SNX13: variants seen among roughly 807,000 people sequenced by gnomAD.
The protein encoded by SNX13 is sorting nexin 13.
A neutral mutation model predicts 133.6 loss-of-function variants in SNX13; 45 were observed. The observed-to-expected ratio is 0.34, with a 90% confidence interval of 0.27 to 0.43. The LOEUF (loss-of-function observed/expected upper bound fraction) is 0.43. Among genes scored for constraint, SNX13 ranks in the 20% least tolerant of loss-of-function variants. The probability of loss-of-function intolerance (pLI) is 1.00; values close to 1 mark genes in which losing one functional copy is unlikely to be tolerated. For missense variants in SNX13, 1,032 were observed against 1,145.1 expected (o/e 0.90, Z 1.43); for synonymous variants, 414 against 373.9 (o/e 1.11, Z -1.24).
At chr7:17,850,180 T>C (rs191235329) in intron 11 of SNX13, among the ~76,000 whole-genome samples, 167 bp downstream of exon 11, 231 of 152,336 alleles carry the variant, frequency 1.5e-3, no homozygotes, top group Non-Finnish European at 2.8e-3. Flanking sequence ...TTTTGGCATG[T>C]TTTAACAAAT....
In SNX13 at chr7:17,826,061, C is replaced by G; in HGVS notation, c.1666G>C (p.Asp556His). ...TAGGCATGAAGTTGTACTGAGTCAT[C>G]AGAAGAAACATTTGAAAGGTCATCT... ...SLDDLSNVSS[D>H]DSVQLHAYIS... The change falls in exon 17 of 26, where the codon GAT becomes CAT. Residue 556 changes from aspartate (D) to histidine (H), a missense_variant. Transcript: ENST00000428135. The G allele has an allele frequency of 6.4e-7, 1 of 1,552,030 alleles. No homozygotes were observed. Among genetic ancestry groups the G allele is most frequent in the Non-Finnish European group, 8.7e-7 (1 of 1,146,458 alleles).
At chr7:17,888,091 A>G (rs936944013) in intron 5 of SNX13, 4 of 152,198 alleles carry the variant, frequency 2.6e-5, no homozygotes, top group African/African-American at 7.2e-5. Flanking sequence ...ATATTTGTGT[A>G]GTAATAGAAA....
chr7:17,843,565 T>A (rs1259387356), intron 12 of SNX13, among the ~76,000 whole-genome samples: 1 of 151,906 alleles, frequency 6.6e-6, no homozygotes, highest in Admixed American at 6.6e-5. Context: ...TAACACAATA[T>A]ACCAGGTAGA....
chr7:17,816,116 A>C lies in SNX13; in HGVS notation c.1953+66T>G. The stretch of plus-strand genomic sequence containing the variant: ...ACATTCTGTGTGCTATATTAAATGA[A>C]AAACATTCTACACCTGTGTGCTATA... On this transcript the variant is annotated intron_variant, in intron 19 of 25. Transcript: ENST00000428135. 9.7e-6 allele frequency: 14 copies of C among 1,446,160 alleles called. No homozygotes were observed. The South Asian group carries it at 2.0e-4, about 20-fold the overall frequency. The allele number at this position is 1,446,160 out of a possible 1,614,324, so 89.6% of individuals were successfully genotyped here. A position where few individuals can be genotyped will look rare whatever the true frequency, so the allele number is the denominator to read the frequency against.
intron 17 of SNX13, among the ~76,000 whole-genome samples, chr7:17,822,146 A>G (rs1345687247): frequency 6.6e-6 from 1 of 152,030 alleles, no homozygotes; most frequent in Non-Finnish European, 1.5e-5. Flanking sequence ...TCTTCTGGCA[A>G]TTTTCTTTTT....
Position 17,803,428 on chromosome 7 carries a change from T to A in SNX13, c.2217A>T (p.Ser739=). ...SERLGQDIKQ[S]FFKVPPLIPK... ...GAAAATGTCTTCTTACCTTAAAAAA[T>A]GATTGCTTTATGTCTTGACCTAATC... The change falls in exon 21 of 26, where the codon TCA becomes TCT. Residue 739 remains serine, a synonymous_variant. Transcript: ENST00000428135. 8 of 1,605,994 alleles carry A rather than the reference T, an allele frequency of 5.0e-6. No homozygotes were observed. Among genetic ancestry groups the A allele is most frequent in the Non-Finnish European group, 6.8e-6 (8 of 1,176,570 alleles).
chr7:17,873,640 C>T, intron 7 of SNX13, 24 bp from the exon 8 acceptor site: 1 of 1,406,082 alleles, frequency 7.1e-7, no homozygotes, highest in East Asian at 2.5e-5. Flanking sequence ...AAGTAGCTAT[C>T]ATAACATTAG....
chr7:17,901,867 C>G (rs1583694803), intron 1 of SNX13, among the ~76,000 whole-genome samples: 1 of 152,186 alleles, frequency 6.6e-6, no homozygotes, highest in Middle Eastern at 3.4e-3. Context: ...TCAGTGGAGG[C>G]TTCTATTTGG....
chr7:17,863,760 GCCATGGTGA>G (rs1450915472), intron 9 of SNX13, among the ~76,000 whole-genome samples: 3 of 152,244 alleles, frequency 2.0e-5, no homozygotes, highest in Non-Finnish European at 2.9e-5. Context: ...CACGGTGCCA[GCCATGGTGA>G]CCATGACAGT....
Position 17,891,626 on chromosome 7 carries a change from C to A in SNX13, c.238G>T (p.Glu80Ter). ...TSPGVPKCLE[E>*]MKREARTIKI... ...ATAGTCCTGGCTTCCCGTTTCATTT[C>A]TTCTAAGCACTTAAAGGAAATCAAA... The change falls in exon 4 of 26, where the codon GAA (glutamate) becomes TAA (stop). Residue 80 changes from glutamate to a stop codon, truncating the protein, a stop_gained. Transcript: ENST00000428135. LOFTEE classifies it high-confidence loss of function. The A allele has an allele frequency of 6.2e-7, 1 of 1,610,682 alleles. No individual in the cohort carries two copies.
chr7:17,908,439 T>C (rs1798615473), intron 1 of SNX13, among the ~76,000 whole-genome samples: 1 of 152,216 alleles, frequency 6.6e-6, no homozygotes, highest in Non-Finnish European at 1.5e-5. Context: ...GGATTACTTT[T>C]ACTCCCTAGC....
chr7:17,862,015 G>C (rs766851376), intron 9 of SNX13, among the ~76,000 whole-genome samples: 9 of 152,148 alleles, frequency 5.9e-5, no homozygotes, highest in Non-Finnish European at 1.0e-4. Context: ...CAGTAATTCA[G>C]CTATTTGCTG....
At chr7:17,875,338 CAAAAT>C in intron 7 of SNX13, 137 bp downstream of exon 7, 1 of 621,114 alleles carries the variant, frequency 1.6e-6, no homozygotes, top group South Asian at 2.4e-5. Flanking sequence ...TTAAGAGTTA[CAAAAT>C]AAAATAAAAT....
chr7:17,851,043 T>C (rs894190782), intron 9 of SNX13, 79 bp from the exon 10 acceptor site: 6 of 1,437,434 alleles, frequency 4.2e-6, no homozygotes, highest in Admixed American at 4.7e-5. Flanking sequence ...GTGCCTACTA[T>C]GTGCTAGGAC....
chr7:17,928,346 T>A (rs1301272743), intron 1 of SNX13, among the ~76,000 whole-genome samples: 2 of 152,140 alleles, frequency 1.3e-5, no homozygotes, highest in African/African-American at 4.8e-5. Flanking sequence ...ATATATATAT[T>A]AAGTGCTTAC....
At chr7:17,797,759 T>C (rs2128283562) in intron 24 of SNX13, among the ~76,000 whole-genome samples, 1 of 151,906 alleles carries the variant, frequency 6.6e-6, no homozygotes, top group Admixed American at 6.6e-5. Context: ...AGGAACATCA[T>C]TTACCTACCC....
intron 12 of SNX13, among the ~76,000 whole-genome samples, chr7:17,842,716 A>C (rs1360493409): frequency 3.3e-5 from 5 of 152,084 alleles, no homozygotes; most frequent in African/African-American, 9.6e-5. Context: ...AATTTACAAA[A>C]GTAACTCATT....
At chr7:17,841,428 T>C (rs1301094205) in intron 12 of SNX13, among the ~76,000 whole-genome samples, 1 of 151,978 alleles carries the variant, frequency 6.6e-6, no homozygotes, top group East Asian at 1.9e-4. Flanking sequence ...AGGCTGATCC[T>C]TAGCATAAAC....
In SNX13 at chr7:17,816,208, T is replaced by A; in HGVS notation, c.1927A>T (p.Lys643Ter). ...NMDRDFLEKR[K>*]KDLNAYLQLL... ...TGCAAATATGCATTTAGATCCTTTT[T>A]TCTCTTTTCTAAAAAATCTCTATCC... Residue 643 changes from lysine (K) to a stop codon, truncating the protein, a stop_gained, in exon 19 of 26, where the codon AAA (lysine) becomes TAA (stop). Transcript: ENST00000428135. LOFTEE classifies it high-confidence loss of function. The A allele has an allele frequency of 6.5e-7, 1 of 1,539,870 alleles. No individual in the cohort carries two copies. The highest frequency in any genetic ancestry group is 8.8e-7 in the Non-Finnish European group (1 of 1,140,962).
Sources: allele counts gnomAD v4.1 joint callset (sites outside exome capture counted in the v4.1 genomes callset), GRCh38; gene constraint gnomAD v4.1.1; transcripts MANE v1.5; gene names NCBI Gene and HGNC (gene_info 2026-07-23, HGNC 2026-07-21).